TANGO6: variants seen among roughly 807,000 people sequenced by gnomAD.
TANGO6 encodes transport and Golgi organization protein 6 homolog.
Under a neutral mutation model 114.2 loss-of-function variants are expected in TANGO6, and 90 were observed. The observed-to-expected ratio is 0.79, with a 90% CI of 0.66 to 0.94. The LOEUF (loss-of-function observed/expected upper bound fraction) is 0.94. TANGO6 is among the 40% of genes least tolerant of loss of function. The pLI, the probability that TANGO6 is intolerant of heterozygous loss-of-function variation, is 0.00. For synonymous variants in TANGO6, 477 were observed against 509.8 expected, an observed-to-expected ratio of 0.94 and a Z score of 0.87; for missense variants, 1,274 against 1,315.3, an observed-to-expected ratio of 0.97 and a Z score of 0.49.
chr16:69,043,043 G>A (rs923285896), intron 17 of TANGO6, among the ~76,000 whole-genome samples: 1 of 152,096 alleles, frequency 6.6e-6, no homozygotes, highest in Non-Finnish European at 1.5e-5. Flanking sequence ...TGGCCTACCT[G>A]GCAAAACTCT....
intron 12 of TANGO6, among the ~76,000 whole-genome samples, chr16:68,925,147 C>A: frequency 6.6e-6 from 1 of 151,980 alleles, no homozygotes; most frequent in Non-Finnish European, 1.5e-5. Flanking sequence ...CCTGACTCTA[C>A]TAAAAATACA....
intron 15 of TANGO6, among the ~76,000 whole-genome samples, chr16:68,992,326 C>G (rs1459382368): frequency 6.6e-6 from 1 of 152,114 alleles, no homozygotes; most frequent in Non-Finnish European, 1.5e-5. Context: ...GGGTTTTGAT[C>G]TCGACTCTAA....
chr16:68,900,984 T>C (rs944325333), intron 8 of TANGO6, among the ~76,000 whole-genome samples: 6 of 152,182 alleles, frequency 3.9e-5, no homozygotes, highest in Admixed American at 6.5e-5. Flanking sequence ...TGATGCAGTG[T>C]GTTGTTTAGA....
At chr16:68,853,714 C>T (rs985712882) in intron 1 of TANGO6, among the ~76,000 whole-genome samples, 1 of 152,136 alleles carries the variant, frequency 6.6e-6, no homozygotes, top group Admixed American at 6.6e-5. Flanking sequence ...TTCTAAGAAA[C>T]TGCCAGACCA....
chr16:68,853,276 T>TAA (rs76691613), intron 1 of TANGO6, among the ~76,000 whole-genome samples: 2 of 107,078 alleles, frequency 1.9e-5, no homozygotes, highest in East Asian at 2.5e-4. Context: ...AGACTCTGTC[T>TAA]AAAAAAAAAA....
chr16:68,876,122 C>T (rs1962353669), intron 5 of TANGO6, among the ~76,000 whole-genome samples: 1 of 151,886 alleles, frequency 6.6e-6, no homozygotes, highest in African/African-American at 2.4e-5. Context: ...TGTGCATACA[C>T]ACATACATTA....
At chr16:69,012,580 G>GAAAAAAAAAA (rs745623750) in intron 15 of TANGO6, among the ~76,000 whole-genome samples, 1 of 108,538 alleles carries the variant, frequency 9.2e-6, no homozygotes, top group Non-Finnish European at 1.9e-5. Context: ...AAAAAAAAAG[G>GAAAAAAAAAA]AAAAAAAAAA....
intron 17 of TANGO6, among the ~76,000 whole-genome samples, chr16:69,061,000 CA>C (rs567600846): frequency 3.4e-5 from 5 of 148,976 alleles, no homozygotes; most frequent in Non-Finnish European, 7.4e-5. Flanking sequence ...AAAAAAAAAA[CA>C]AAAAAAACAA....
At chr16:68,888,985 G>A (rs1218697305) in intron 7 of TANGO6, among the ~76,000 whole-genome samples, 5 of 152,138 alleles carry the variant, frequency 3.3e-5, no homozygotes, top group African/African-American at 9.6e-5. Context: ...CACCATGCCC[G>A]GCTAATTTTT....
chr16:68,958,921 G>A (rs144383607), intron 14 of TANGO6, among the ~76,000 whole-genome samples: 1 of 152,238 alleles, frequency 6.6e-6, no homozygotes, highest in East Asian at 1.9e-4. Flanking sequence ...CTGGTTATCA[G>A]AGTAAGACCC....
intron 16 of TANGO6, among the ~76,000 whole-genome samples, chr16:69,024,881 C>T (rs1011682006): frequency 1.3e-5 from 2 of 151,918 alleles, no homozygotes; most frequent in African/African-American, 4.8e-5. Context: ...AGTCTCGGCA[C>T]ACTGCAACCT....
At chr16:68,871,807 A>ACAGGGTTTCGACATATTG (rs1214088399) in intron 4 of TANGO6, among the ~76,000 whole-genome samples, 2 of 152,182 alleles carry the variant, frequency 1.3e-5, no homozygotes. Context: ...TTTAGTAGGG[A>ACAGGGTTTCGACATATTG]CAGGGTTTCG....
chr16:69,073,211 G>A (rs1228121090), intron 17 of TANGO6, among the ~76,000 whole-genome samples: 1 of 152,120 alleles, frequency 6.6e-6, no homozygotes, highest in Non-Finnish European at 1.5e-5. Flanking sequence ...TTCTTTTTGT[G>A]ATGGCCTGGG....
intron 16 of TANGO6, among the ~76,000 whole-genome samples, chr16:69,038,895 T>G (rs1959731742): frequency 6.6e-6 from 1 of 151,784 alleles, no homozygotes; most frequent in African/African-American, 2.4e-5. Context: ...ATACAAAAAT[T>G]TAGGTGGGCC....
At chr16:68,846,429 A>T (rs1961805387) in intron 1 of TANGO6, 1 of 277,572 alleles carries the variant, frequency 3.6e-6, no homozygotes, top group Non-Finnish European at 7.1e-6. Flanking sequence ...TCACATAGAT[A>T]TGTAACTGGA....
intron 17 of TANGO6, among the ~76,000 whole-genome samples, chr16:69,047,210 G>C (rs1477014769): frequency 6.6e-6 from 1 of 150,944 alleles, no homozygotes; most frequent in African/African-American, 2.4e-5. Context: ...GTGATTTTAG[G>C]CTGGGCGCGG....
intron 14 of TANGO6, among the ~76,000 whole-genome samples, chr16:68,931,985 C>T (rs1963246498): frequency 6.6e-6 from 1 of 150,520 alleles, no homozygotes; most frequent in Non-Finnish European, 1.5e-5. Flanking sequence ...CTCCTGAGTA[C>T]AGGCATCAGC....
At chr16:69,068,382 C>T (rs1960249337) in intron 17 of TANGO6, among the ~76,000 whole-genome samples, 1 of 152,146 alleles carries the variant, frequency 6.6e-6, no homozygotes, top group Non-Finnish European at 1.5e-5. Flanking sequence ...TGGAGTCAGG[C>T]TACCAGGGTT....
intron 15 of TANGO6, among the ~76,000 whole-genome samples, chr16:68,977,255 T>TA (rs1423820664): frequency 1.3e-5 from 2 of 152,272 alleles, no homozygotes; most frequent in South Asian, 4.1e-4. Flanking sequence ...TCCAACCACT[T>TA]AAATCCTTGT....
Sources: allele counts gnomAD v4.1 joint callset (sites outside exome capture counted in the v4.1 genomes callset), GRCh38; gene constraint gnomAD v4.1.1; transcripts MANE v1.5; gene names NCBI Gene and HGNC (gene_info 2026-07-23, HGNC 2026-07-21).